The following ATG10 variants were observed in gnomAD, a reference collection of about 807,000 sequenced individuals.
ATG10 encodes the protein autophagy related 10.
Under a neutral mutation model 32.1 loss-of-function variants are expected in ATG10, and 30 were observed. The ratio of observed to expected loss-of-function variants is 0.94; its 90% confidence interval spans 0.70 to 1.27. ATG10 has a LOEUF of 1.27. Among genes scored for constraint, ATG10 ranks in the 50% most tolerant of loss-of-function variants. The pLI is 0.00. For synonymous variants in ATG10, 87 were observed against 91.5 expected, an observed-to-expected ratio of 0.95 and a Z score of 0.28; for missense variants, 233 against 262.3, an observed-to-expected ratio of 0.89 and a Z score of 0.77.
At chr5:82,041,972 A>G (rs776649954) in intron 2 of ATG10, among the ~76,000 whole-genome samples, 18 of 151,324 alleles carry the variant, frequency 1.2e-4, no homozygotes, top group Non-Finnish European at 4.4e-5. Flanking sequence ...AATATCTTCT[A>G]TTTTTCTGCT....
At chr5:82,016,258 A>C (rs1452294595) in intron 2 of ATG10, among the ~76,000 whole-genome samples, 2 of 152,090 alleles carry the variant, frequency 1.3e-5, no homozygotes, top group Non-Finnish European at 2.9e-5. Flanking sequence ...TTTTTGTATA[A>C]GGTGAGAGAG....
chr5:82,247,078 G>A (rs1247216990), intron 5 of ATG10, among the ~76,000 whole-genome samples: 1 of 152,052 alleles, frequency 6.6e-6, no homozygotes, highest in African/African-American at 2.4e-5. Flanking sequence ...TTTTCTCCTT[G>A]TCTTTGGCTG....
chr5:81,984,134 A>G (rs1474702596), intron 1 of ATG10, among the ~76,000 whole-genome samples: 1 of 152,238 alleles, frequency 6.6e-6, no homozygotes, highest in African/African-American at 2.4e-5. Flanking sequence ...CAGCCTGGGC[A>G]CCATTGAGCA....
intron 3 of ATG10, among the ~76,000 whole-genome samples, chr5:82,143,900 A>G (rs1365958750): frequency 6.6e-6 from 1 of 152,216 alleles, no homozygotes; most frequent in Non-Finnish European, 1.5e-5. Flanking sequence ...AAGATTTTGT[A>G]TAGAATTGGT....
Position 82,079,608 on chromosome 5 carries a change from A to G in ATG10, c.216+21006A>G, listed in dbSNP as rs1464918660. ...TCAATTCCCACCTATGAGTGAGAAC[A>G]TGCGGTGTTTGTTTTTTTTTCCCTG... On this transcript the variant is annotated intron_variant, in intron 3 of 7. Transcript: ENST00000282185. 3.9e-5 allele frequency among the ~76,000 whole-genome samples: 6 copies of G among 151,920 alleles called. No homozygotes were observed. In the East Asian group the frequency reaches 1.2e-3, roughly 29 times the overall value.
rs577332117 is a variant in ATG10, at chr5:81,993,574, C to T, written c.108+5896C>T. 1.9e-4 allele frequency among the ~76,000 whole-genome samples: 28 copies of T among 150,812 alleles called. 1 individual carries two copies. The South Asian group carries it at 4.6e-3, about 25-fold the overall frequency. On this transcript the variant is annotated intron_variant, in intron 2 of 7. Transcript: ENST00000282185. ...CTCTGAGTAGCTGGGTTTACAGGTG[C>T]GCACCACCAGTCCTGGCTAATTTTT... is the stretch of plus-strand genomic sequence containing the variant.
At chr5:82,226,970 A>G (rs531462330) in intron 5 of ATG10, among the ~76,000 whole-genome samples, 77 of 152,374 alleles carry the variant, frequency 5.1e-4, no homozygotes, top group Non-Finnish European at 8.5e-4. Flanking sequence ...AGCATTAAAA[A>G]TGTTTCACAA....
rs138584302 is a variant in ATG10, at chr5:81,994,648, G to A, written c.108+6970G>A. ...AGAAGTAAGCATATTAAGCTAATAA[G>A]CTTTAATTAAAGCCTCTTTTTTACT... is the stretch of plus-strand genomic sequence containing the variant. On this transcript the variant is annotated intron_variant, in intron 2 of 7. Coordinates refer to ENST00000282185, the MANE Select transcript of ATG10 (RefSeq NM_031482.5). Among the ~76,000 whole-genome samples, 294 of 152,262 alleles carry A rather than the reference G, an allele frequency of 1.9e-3. 1 individual carries two copies. The highest frequency in any genetic ancestry group is 6.8e-3 in the African/African-American group (282 of 41,554).
intron 3 of ATG10, among the ~76,000 whole-genome samples, chr5:82,104,741 G>A (rs1380081353): frequency 6.6e-6 from 1 of 152,046 alleles, no homozygotes; most frequent in Non-Finnish European, 1.5e-5. Flanking sequence ...AATACCTTTA[G>A]AGACCTACTG....
intron 3 of ATG10, among the ~76,000 whole-genome samples, chr5:82,081,087 A>G (rs1414166345): frequency 2.6e-5 from 4 of 152,078 alleles, no homozygotes; most frequent in Non-Finnish European, 4.4e-5. Flanking sequence ...CATCCCTTGT[A>G]AGTTGGATTC....
At chr5:82,161,130 C>T (rs1347949858) in intron 3 of ATG10, among the ~76,000 whole-genome samples, 1 of 152,090 alleles carries the variant, frequency 6.6e-6, no homozygotes, top group African/African-American at 2.4e-5. Context: ...TTTTAATGGG[C>T]ATCATAAAGG....
chr5:82,017,257 T>A (rs1299728777), intron 2 of ATG10, among the ~76,000 whole-genome samples: 1 of 152,138 alleles, frequency 6.6e-6, no homozygotes, highest in African/African-American at 2.4e-5. Flanking sequence ...TTGCGTATGT[T>A]GATTTTGTAT....
intron 2 of ATG10, 57 bp from the exon 3 acceptor site, chr5:82,058,438 G>C: frequency 7.8e-7 from 1 of 1,276,706 alleles, no homozygotes. Flanking sequence ...TTCTTAAAAT[G>C]ATGAATTCTT....
chr5:82,127,837 G>A (rs1766342864), intron 3 of ATG10, among the ~76,000 whole-genome samples: 1 of 152,104 alleles, frequency 6.6e-6, no homozygotes, highest in Non-Finnish European at 1.5e-5. Context: ...GAATATCCTT[G>A]CTAATTTTCT....
chr5:82,095,246 T>C (rs1238647036), intron 3 of ATG10, among the ~76,000 whole-genome samples: 1 of 152,160 alleles, frequency 6.6e-6, no homozygotes, highest in Non-Finnish European at 1.5e-5. Flanking sequence ...GTCTGAGCCC[T>C]CACTTTTGCC....
At chr5:82,015,447 G>A (rs140771976) in intron 2 of ATG10, among the ~76,000 whole-genome samples, 6 of 152,102 alleles carry the variant, frequency 3.9e-5, no homozygotes, top group African/African-American at 1.4e-4. Context: ...CATTCTCCCC[G>A]TCACTTTCAG....
At chr5:82,075,393 G>A (rs1480239499) in intron 3 of ATG10, among the ~76,000 whole-genome samples, 1 of 152,132 alleles carries the variant, frequency 6.6e-6, no homozygotes, top group Non-Finnish European at 1.5e-5. Flanking sequence ...GTGAAATCAT[G>A]GGGTTAAAAT....
intron 1 of ATG10, among the ~76,000 whole-genome samples, chr5:81,981,940 G>C (rs1400160132): frequency 3.9e-5 from 6 of 152,178 alleles, no homozygotes; most frequent in Non-Finnish European, 7.3e-5. Context: ...AGATATATTT[G>C]AACAGCAGCA....
chr5:82,238,224 T>G (rs1746643870), intron 5 of ATG10, among the ~76,000 whole-genome samples: 1 of 152,194 alleles, frequency 6.6e-6, no homozygotes, highest in Non-Finnish European at 1.5e-5. Flanking sequence ...CCCTACATGG[T>G]CTTCTCTGGA....
Sources: allele counts gnomAD v4.1 joint callset (sites outside exome capture counted in the v4.1 genomes callset), GRCh38; gene constraint gnomAD v4.1.1; transcripts MANE v1.5; gene names NCBI Gene and HGNC (gene_info 2026-07-23, HGNC 2026-07-21).